The following DIS3L variants were observed in gnomAD, a reference collection of about 807,000 sequenced individuals.
DIS3L encodes DIS3 like exosome 3'-5' exoribonuclease, also known as DIS3-like exonuclease 1.
A neutral mutation model predicts 120.3 loss-of-function variants in DIS3L; 100 were observed. The observed-to-expected ratio is 0.83, with a 90% CI of 0.71 to 0.98. The LOEUF (loss-of-function observed/expected upper bound fraction) is 0.98, where lower values mean the gene tolerates loss of function less well. Ranked by LOEUF, DIS3L falls within the 50% of genes least tolerant of loss-of-function variation. DIS3L has a pLI of 0.00. For synonymous variants in DIS3L, 426 were observed against 470.6 expected, an observed-to-expected ratio of 0.91 and a Z score of 1.23; for missense variants, 1,196 against 1,314.2, an observed-to-expected ratio of 0.91 and a Z score of 1.39.
intron 2 of DIS3L, among the ~76,000 whole-genome samples, chr15:66,300,448 G>A (rs1201830749): frequency 6.6e-6 from 1 of 152,198 alleles, no homozygotes; most frequent in East Asian, 1.9e-4. Context: ...TTTTCCGAGT[G>A]ATTAAAATGT....
chr15:66,319,647 G>A (rs1017183369), intron 8 of DIS3L, among the ~76,000 whole-genome samples: 2 of 152,148 alleles, frequency 1.3e-5, no homozygotes, highest in Admixed American at 6.5e-5. Flanking sequence ...ACTAAAGCAG[G>A]ATGTCCCCAG....
chr15:66,293,456 C>G (rs1204117048), upstream of DIS3L: 1 of 1,212,604 alleles, frequency 8.2e-7, no homozygotes, highest in Admixed American at 4.6e-5. Context: ...CAGCCTGGAG[C>G]GTGTAGCTCC....
chr15:66,320,537 G>T, intron 8 of DIS3L, 34 bp from the exon 9 acceptor site: 1 of 1,590,872 alleles, frequency 6.3e-7, no homozygotes, highest in Non-Finnish European at 8.6e-7. Flanking sequence ...AACTCCTGGT[G>T]CTCAGCTGTG....
intron 11 of DIS3L, among the ~76,000 whole-genome samples, chr15:66,324,831 A>G (rs1432648969): frequency 6.6e-6 from 1 of 152,198 alleles, no homozygotes. Flanking sequence ...TTTTGGATTC[A>G]AGATCAATTA....
At chr15:66,317,345 GA>G (rs796186674) in intron 7 of DIS3L, among the ~76,000 whole-genome samples, 30 of 135,434 alleles carry the variant, frequency 2.2e-4, no homozygotes, top group East Asian at 6.0e-4. Context: ...ATATTTGTGG[GA>G]AAAAAAAAAA....
intron 1 of DIS3L, chr15:66,294,017 G>A: frequency 1.5e-5 from 15 of 988,894 alleles, no homozygotes; most frequent in Non-Finnish European, 1.7e-5. Context: ...CGGGTGGTTT[G>A]GCTCCTCAGA....
At chr15:66,304,631 C>T (rs1041413100) in intron 2 of DIS3L, among the ~76,000 whole-genome samples, 6 of 152,010 alleles carry the variant, frequency 3.9e-5, no homozygotes, top group East Asian at 3.9e-4. Flanking sequence ...CCGGGCGTGA[C>T]GGCTTATGCC....
rs1186034024 is a variant in DIS3L at position 66,320,866 on chromosome 15, C to G, written c.1326+134C>G. On this transcript the variant is annotated intron_variant, in intron 9 of 16. Transcript: ENST00000319212. Reference sequence around the variant, plus strand: ...GAAGGCACAGATAATGGAAAAATCTCAATCCTCTTTATTCTATATTTGGAC... The same window carrying G: ...GAAGGCACAGATAATGGAAAAATCTGAATCCTCTTTATTCTATATTTGGAC... 8 of 1,137,640 alleles carry G rather than the reference C, an allele frequency of 7.0e-6. No homozygotes were observed. In the East Asian group the frequency reaches 2.0e-4, roughly 28 times the overall value. 70.5% of individuals were successfully genotyped at this position (1,137,640 alleles called of 1,614,324 possible). A position where few individuals can be genotyped will look rare whatever the true frequency, so the allele number is the denominator to read the frequency against.
In DIS3L at chr15:66,309,094, A is replaced by AAAAATATATATATATATATAT; in HGVS notation, c.558+251_558+252insAAATATATATATATATATATA. ...CTTGTCTCTACAGAAAAAAAAAAAA[A>AAAAATATATATATATATATAT]ATATATATATCTCCAAGCATGGTGG... On this transcript the variant is annotated intron_variant, in intron 4 of 16. Transcript: ENST00000319212. Among the ~76,000 whole-genome samples the AAAAATATATATATATATATAT allele has an allele frequency of 8.5e-4, 13 of 15,318 alleles. 1 individual carries two copies. The highest frequency in any genetic ancestry group is 2.0e-3 in the African/African-American group (10 of 5,120). 10.0% of individuals were successfully genotyped at this position (15,318 alleles called of 152,430 possible). A position where few individuals can be genotyped will look rare whatever the true frequency, so the allele number is the denominator to read the frequency against.
intron 2 of DIS3L, among the ~76,000 whole-genome samples, chr15:66,304,565 A>C (rs2092682980): frequency 6.6e-6 from 1 of 152,210 alleles, no homozygotes; most frequent in Non-Finnish European, 1.5e-5. Flanking sequence ...TGTTAAGAAA[A>C]GCTGCCCTTC....
chr15:66,315,206 A>T lies in DIS3L; in HGVS notation c.985A>T (p.Met329Leu). The change falls in exon 7 of 17, where the codon ATG becomes TTG. Residue 329 changes from methionine (M) to leucine (L), a missense_variant. Physicochemically the swap from Met to Leu is conservative, Grantham distance 15. Transcript: ENST00000319212. The stretch of plus-strand genomic sequence containing the variant: ...TTCGGGCGAGTCCCCAAGTGAGCCC[A>T]TGCCTACAGGTGAGCCAGCTGCAGA... ...KASGESPSEP[M>L]PTGRVVGILQ... 1 of 1,612,070 alleles carries T rather than the reference A, an allele frequency of 6.2e-7. No individual in the cohort carries two copies. The highest frequency in any genetic ancestry group is 1.7e-4 in the Middle Eastern group (1 of 5,876).
At chr15:66,293,565 G>A (rs943535236), upstream of DIS3L, 5 of 1,408,422 alleles carry the variant, frequency 3.6e-6, no homozygotes, top group Admixed American at 5.3e-5. Context: ...CGCCGCGCCC[G>A]CCACTCCGCG....
At chr15:66,296,515 T>TA (rs2092588150) in intron 2 of DIS3L, among the ~76,000 whole-genome samples, 1 of 117,424 alleles carries the variant, frequency 8.5e-6, no homozygotes, top group Non-Finnish European at 2.0e-5. Flanking sequence ...AAGAAGTCTT[T>TA]TTTTTTTTTT....
intron 4 of DIS3L, among the ~76,000 whole-genome samples, chr15:66,309,057 A>G (rs2092729896): frequency 7.2e-6 from 1 of 138,128 alleles, no homozygotes. Flanking sequence ...CAGCTGGGCA[A>G]TCTAGTGAGA....
In DIS3L at chr15:66,333,177, C is replaced by T; in HGVS notation, c.3030C>T (p.Ala1010=). The change falls in exon 17 of 17, where the codon GCC becomes GCT. Residue 1010 remains alanine (A), a synonymous_variant. Transcript: ENST00000319212. ...AATCTGTGGAAGAAGCTCAGCTTGC[C>T]CAAGAAGTCAAAGTAAACATCATTC... is the stretch of plus-strand genomic sequence containing the variant. ...VTKSVEEAQL[A]QEVKVNIIQE... 6.2e-7 allele frequency: 1 copy of T among 1,613,862 alleles called. No individual in the cohort carries two copies. Among genetic ancestry groups the T allele is most frequent in the South Asian group, 1.1e-5 (1 of 91,066 alleles).
In DIS3L at chr15:66,309,094, A is replaced by AAAAAAAAAAAAAAATATATATATATAT; in HGVS notation, c.558+251_558+252insAAAAAAAAAAAAATATATATATATATA. On this transcript the variant is annotated intron_variant, in intron 4 of 16. Coordinates refer to ENST00000319212, the MANE Select transcript of DIS3L (RefSeq NM_001143688.3). ...CTTGTCTCTACAGAAAAAAAAAAAA[A>AAAAAAAAAAAAAAATATATATATATAT]ATATATATATCTCCAAGCATGGTGG... is the stretch of plus-strand genomic sequence containing the variant. Among the ~76,000 whole-genome samples, 4 of 15,314 alleles carry AAAAAAAAAAAAAAATATATATATATAT rather than the reference A, an allele frequency of 2.6e-4. 1 individual carries two copies. The highest frequency in any genetic ancestry group is 4.8e-4 in the Non-Finnish European group (4 of 8,308). The allele number at this position is 15,314 out of a possible 152,430, so 10.0% of individuals were successfully genotyped here.
In DIS3L at chr15:66,298,701, G is replaced by C. The variant is rs114328244; in HGVS notation, c.293+3560G>C. Among the ~76,000 whole-genome samples the C allele has an allele frequency of 2.1e-3, 315 of 152,308 alleles. 1 individual carries two copies. The highest frequency in any genetic ancestry group is 7.1e-3 in the African/African-American group (296 of 41,568). ...CTTAAGTCGTTCAGGATAATCACATGTTCTGCCATCTAATAATCTTCAAAT... is the reference window on the plus strand; with the variant it reads ...CTTAAGTCGTTCAGGATAATCACATCTTCTGCCATCTAATAATCTTCAAAT... On this transcript the variant is annotated intron_variant, in intron 2 of 16. Transcript: ENST00000319212.
In DIS3L at chr15:66,333,754, GTTCTCTCATTCA is replaced by G; in HGVS notation, c.*445_*456del. On this transcript the variant is annotated 3_prime_UTR_variant, in exon 17 of 17. Coordinates refer to ENST00000319212, the MANE Select transcript of DIS3L (RefSeq NM_001143688.3). The stretch of plus-strand genomic sequence containing the variant: ...AAAAAAAAAAAAAAAAAAAAAAAAA[GTTCTCTCATTCA>G]TTAAAGTTGCATTAAATAAAGTATA... The G allele has an allele frequency of 7.6e-6, 1 of 131,824 alleles. No individual in the cohort carries two copies. Among genetic ancestry groups the G allele is most frequent in the East Asian group, 2.3e-4 (1 of 4,440 alleles). 8.2% of individuals were successfully genotyped at this position (131,824 alleles called of 1,614,324 possible). A position where few individuals can be genotyped will look rare whatever the true frequency, so the allele number is the denominator to read the frequency against.
At chr15:66,311,431 T>C (rs1481551795) in intron 4 of DIS3L, among the ~76,000 whole-genome samples, 1 of 152,128 alleles carries the variant, frequency 6.6e-6, no homozygotes, top group African/African-American at 2.4e-5. Context: ...TGCCTGGACG[T>C]GCGCAGGTGT....
Sources: gnomAD v4.1 joint callset for allele counts (sites outside exome capture counted in the v4.1 genomes callset) on GRCh38, gnomAD v4.1.1 for gene constraint, MANE v1.5 for transcripts, NCBI Gene and HGNC (gene_info 2026-07-23, HGNC 2026-07-21) for gene names.